SND1: variants seen among roughly 807,000 people sequenced by gnomAD.
SND1 encodes the protein staphylococcal nuclease domain-containing protein 1.
A neutral mutation model predicts 121.7 loss-of-function variants in SND1; 38 were observed. That is an observed-to-expected ratio of 0.31 (90% CI 0.24 to 0.41). The LOEUF is 0.41. Ranked by LOEUF, SND1 falls within the 10% of genes least tolerant of loss-of-function variation. The pLI, the probability that SND1 is intolerant of heterozygous loss-of-function variation, is 1.00. For synonymous variants in SND1, 401 were observed against 447.4 expected (o/e 0.90, Z 1.31); for missense variants, 868 against 1,184.6 (o/e 0.73, Z 3.92).
At chr7:127,885,259 A>G (rs980263455) in intron 12 of SND1, among the ~76,000 whole-genome samples, 1 of 152,186 alleles carries the variant, frequency 6.6e-6, no homozygotes, top group Non-Finnish European at 1.5e-5. Flanking sequence ...GGTGTATCAC[A>G]TGGGGAACCC....
chr7:127,897,737 A>G (rs1800148348), intron 13 of SND1, among the ~76,000 whole-genome samples: 1 of 152,158 alleles, frequency 6.6e-6, no homozygotes, highest in South Asian at 2.1e-4. Flanking sequence ...AACTATTCAC[A>G]TAAATATCTA....
intron 10 of SND1, among the ~76,000 whole-genome samples, chr7:127,752,380 C>G (rs1305874629): frequency 1.3e-5 from 2 of 152,114 alleles, no homozygotes; most frequent in African/African-American, 4.8e-5. Flanking sequence ...TATTAAATAC[C>G]TATTGTGTGC....
At chr7:127,864,172 TC>T (rs1799427707) in intron 12 of SND1, among the ~76,000 whole-genome samples, 2 of 144,650 alleles carry the variant, frequency 1.4e-5, no homozygotes, top group African/African-American at 2.6e-5. Context: ...TTCTAAGTCT[TC>T]CCCCACCCCC....
Position 128,029,509 on chromosome 7 carries a change from G to C in SND1, c.1779+38453G>C, listed in dbSNP as rs556055955. 1 of 1,614,104 alleles carries C rather than the reference G, an allele frequency of 6.2e-7. No individual in the cohort carries two copies. Among genetic ancestry groups the C allele is most frequent in the Admixed American group, 1.7e-5 (1 of 60,026 alleles). On this transcript the variant is annotated intron_variant, in intron 16 of 23. Coordinates refer to ENST00000354725, the MANE Select transcript of SND1 (RefSeq NM_014390.4). This position sits in a 1 kb window ranked among gnomAD's most constrained non-coding sequence, Gnocchi z 4.2. ...AGCAACCACTTCACGGAGGACATAG[G>C]GGGAGTCCGACACTTAAGTTCTGCC...
chr7:127,756,069 G>A (rs1009661629), intron 10 of SND1, among the ~76,000 whole-genome samples: 5 of 152,172 alleles, frequency 3.3e-5, no homozygotes, highest in African/African-American at 1.2e-4. Flanking sequence ...GCTTAAAAAA[G>A]GCTATCAGCC....
At chr7:127,878,457 C>A (rs1799730461) in intron 12 of SND1, among the ~76,000 whole-genome samples, 1 of 152,158 alleles carries the variant, frequency 6.6e-6, no homozygotes, top group South Asian at 2.1e-4. Flanking sequence ...GGTGGGTTGT[C>A]AAAGGTTATA....
chr7:128,032,922 C>T (rs1192276202), intron 16 of SND1, among the ~76,000 whole-genome samples: 2 of 152,224 alleles, frequency 1.3e-5, no homozygotes, highest in African/African-American at 4.8e-5. Flanking sequence ...GAATGGCAAC[C>T]TGGGACAGCA....
chr7:128,075,518 C>T (rs1428218442), intron 17 of SND1, among the ~76,000 whole-genome samples: 1 of 152,218 alleles, frequency 6.6e-6, no homozygotes, highest in African/African-American at 2.4e-5. Context: ...TTTGAGGCCC[C>T]AGAAGCACCA....
rs3808100 is a variant in SND1 at position 127,704,064 on chromosome 7, G to A, written c.840+741G>A. Among the ~76,000 whole-genome samples the A allele has an allele frequency of 3.3e-4, 50 of 152,326 alleles. 1 individual carries two copies. In the East Asian group the frequency reaches 7.7e-3, roughly 23 times the overall value. On this transcript the variant is annotated intron_variant, in intron 7 of 23. Transcript: ENST00000354725. ...CAGCTACCTCCTAACTCTGCTTTTA[G>A]CAGGGAGTAGGTTCTTTATGTTCTT...
intron 11 of SND1, among the ~76,000 whole-genome samples, chr7:127,822,207 G>A (rs919154905): frequency 3.9e-5 from 6 of 152,078 alleles, no homozygotes; most frequent in African/African-American, 1.4e-4. Context: ...AGGCCTACCC[G>A]GGAAGATACG....
At chr7:127,708,743 C>T (rs543152497) in intron 9 of SND1, among the ~76,000 whole-genome samples, 103 of 152,312 alleles carry the variant, frequency 6.8e-4, no homozygotes, top group African/African-American at 2.5e-3. Flanking sequence ...AGTAGACCTG[C>T]TCTCTGTGTC....
intron 10 of SND1, among the ~76,000 whole-genome samples, chr7:127,740,625 G>GT (rs1158985241): frequency 6.6e-6 from 1 of 152,180 alleles, no homozygotes; most frequent in Non-Finnish European, 1.5e-5. Flanking sequence ...AAATCACCCA[G>GT]GTAGCTCTTA....
intron 14 of SND1, among the ~76,000 whole-genome samples, chr7:127,917,567 T>A (rs1286095973): frequency 6.6e-6 from 1 of 152,134 alleles, no homozygotes; most frequent in Non-Finnish European, 1.5e-5. Flanking sequence ...CCTGGCTAAT[T>A]TTTAAAATTT....
intron 10 of SND1, among the ~76,000 whole-genome samples, chr7:127,791,144 T>C (rs887632854): frequency 3.0e-4 from 43 of 141,148 alleles, no homozygotes; most frequent in Non-Finnish European, 6.0e-4. Flanking sequence ...ACCTCTCCTT[T>C]TTTTTTTTTT....
intron 14 of SND1, among the ~76,000 whole-genome samples, chr7:127,926,395 T>C (rs1034202596): frequency 1.2e-4 from 19 of 152,078 alleles, no homozygotes; most frequent in African/African-American, 4.6e-4. Context: ...TAGTGACTGG[T>C]CCACAGGCAT....
At chr7:127,740,047 C>G (rs186860168) in intron 10 of SND1, among the ~76,000 whole-genome samples, 1 of 152,200 alleles carries the variant, frequency 6.6e-6, no homozygotes, top group Non-Finnish European at 1.5e-5. Flanking sequence ...CTGGCAGATT[C>G]GCCCTTGCTA....
At chr7:128,074,775 A>G (rs1793478569) in intron 17 of SND1, 85 bp downstream of exon 17, 2 of 1,300,530 alleles carry the variant, frequency 1.5e-6, no homozygotes, top group East Asian at 5.1e-5. Context: ...AACAGGAGGA[A>G]GTTCTCTCAT....
At chr7:128,088,781 G>A (rs1484229707) in intron 21 of SND1, among the ~76,000 whole-genome samples, 7 of 151,202 alleles carry the variant, frequency 4.6e-5, no homozygotes, top group Non-Finnish European at 8.9e-5. Flanking sequence ...AAAAAAAAAA[G>A]ACAGAGACAC....
chr7:127,767,714 G>A (rs1797446404), intron 10 of SND1, among the ~76,000 whole-genome samples: 1 of 152,174 alleles, frequency 6.6e-6, no homozygotes, highest in African/African-American at 2.4e-5. Context: ...GGATAGCAGT[G>A]TCATATAAGG....
Sources: gnomAD v4.1 joint callset for allele counts (sites outside exome capture counted in the v4.1 genomes callset) on GRCh38, gnomAD v4.1.1 for gene constraint, Gnocchi (gnomAD v3.1) non-coding constraint, MANE v1.5 for transcripts, NCBI Gene and HGNC (gene_info 2026-07-23, HGNC 2026-07-21) for gene names.